The following PPP2R5C variants were observed in gnomAD, a reference collection of about 807,000 sequenced individuals.
PPP2R5C encodes protein phosphatase 2 regulatory subunit B'gamma, also known as serine/threonine-protein phosphatase 2A 56 kDa regulatory subunit gamma isoform.
A neutral mutation model predicts 68.9 loss-of-function variants in PPP2R5C; 7 were observed. That is an observed-to-expected ratio of 0.10 (90% CI 0.06 to 0.19). The LOEUF (loss-of-function observed/expected upper bound fraction) is 0.19. PPP2R5C is among the 10% of genes least tolerant of loss of function. The pLI, the probability that PPP2R5C is intolerant of heterozygous loss-of-function variation, is 1.00. For synonymous variants in PPP2R5C, 210 were observed against 222.2 expected, an observed-to-expected ratio of 0.95 and a Z score of 0.49; for missense variants, 348 against 641.3, an observed-to-expected ratio of 0.54 and a Z score of 4.94.
At chr14:101,871,094 C>A (rs1377724673) in intron 2 of PPP2R5C, among the ~76,000 whole-genome samples, 1 of 152,114 alleles carries the variant, frequency 6.6e-6, no homozygotes, top group Non-Finnish European at 1.5e-5. Context: ...GCCATTCCAG[C>A]GCTCTTCTGA....
intron 8 of PPP2R5C, among the ~76,000 whole-genome samples, chr14:101,898,586 G>A (rs982303839): frequency 4.6e-5 from 7 of 152,182 alleles, no homozygotes; most frequent in South Asian, 2.1e-4. Context: ...ACCCCGTGCC[G>A]GCTTCAGTTG....
chr14:101,869,733 C>T (rs558078688), intron 2 of PPP2R5C, among the ~76,000 whole-genome samples: 2 of 152,298 alleles, frequency 1.3e-5, no homozygotes, highest in East Asian at 3.9e-4. Flanking sequence ...TGGCTCACTG[C>T]AGCCTCCACC....
intron 3 of PPP2R5C, among the ~76,000 whole-genome samples, chr14:101,803,729 C>CA (rs934819668): frequency 0.015 from 1,627 of 108,520 alleles, 24 homozygotes; most frequent in African/African-American, 0.045. Context: ...GACTCCATCT[C>CA]AAAAAAAAAA....
intron 2 of PPP2R5C, among the ~76,000 whole-genome samples, chr14:101,783,347 A>G (rs1319686748): frequency 6.9e-6 from 1 of 145,788 alleles, no homozygotes; most frequent in Admixed American, 6.9e-5. Flanking sequence ...TCACCTTCCC[A>G]GGGACAGACA....
At chr14:101,771,222 C>CGTGTGT (rs3993402) in intron 2 of PPP2R5C, among the ~76,000 whole-genome samples, 32,861 of 135,108 alleles carry the variant, frequency 0.24, 4,264 homozygotes, top group Admixed American at 0.32. Flanking sequence ...TTCTTCATCT[C>CGTGTGT]GTGTGTGTGT....
intron 1 of PPP2R5C, among the ~76,000 whole-genome samples, chr14:101,827,899 C>T (rs2040492949): frequency 6.6e-6 from 1 of 152,090 alleles, no homozygotes; most frequent in South Asian, 2.1e-4. Context: ...TTCCCTATAA[C>T]CTCATATTGG....
chr14:101,808,358 G>A (rs1192757650), upstream of PPP2R5C, among the ~76,000 whole-genome samples: 1 of 152,144 alleles, frequency 6.6e-6, no homozygotes, highest in Admixed American at 6.6e-5. Context: ...CTCAGGTGGT[G>A]CGTGCCCACT....
At chr14:101,889,908 T>C in intron 5 of PPP2R5C, 1 of 482,150 alleles carries the variant, frequency 2.1e-6, no homozygotes, top group Admixed American at 2.4e-5. Flanking sequence ...ATCAAGCAGA[T>C]GGAGCACATT....
At chr14:101,894,755 A>C (rs1186310426) in intron 8 of PPP2R5C, among the ~76,000 whole-genome samples, 195 bp downstream of exon 10, 1 of 152,132 alleles carries the variant, frequency 6.6e-6, no homozygotes, top group Admixed American at 6.6e-5. Flanking sequence ...TTCCTTTATT[A>C]TAGTGATTAT....
At chr14:101,816,468 A>G (rs530411251) in intron 1 of PPP2R5C, among the ~76,000 whole-genome samples, 3 of 152,344 alleles carry the variant, frequency 2.0e-5, no homozygotes, top group Admixed American at 6.5e-5. Context: ...CTAAAGAGAT[A>G]TAACAGGTAC....
exon 2 of PPP2R5C, chr14:101,762,911 C>T (rs1438144123): frequency 1.3e-6 from 2 of 1,582,748 alleles, no homozygotes; most frequent in African/African-American, 1.3e-5. Context: ...CCAGGAATCA[C>T]CAAAAGCAGG....
At chr14:101,876,885 T>C (rs1062152) in intron 2 of PPP2R5C, among the ~76,000 whole-genome samples, 56,157 of 151,448 alleles carry the variant, frequency 0.37, 13,549 homozygotes, top group African/African-American at 0.69. Context: ...CTGTTGCATG[T>C]GTTTTCTGTG....
intron 2 of PPP2R5C, among the ~76,000 whole-genome samples, chr14:101,784,511 G>T (rs757273233): frequency 1.1e-4 from 15 of 135,926 alleles, no homozygotes; most frequent in Non-Finnish European, 1.4e-4. Flanking sequence ...GAGAGAAAGT[G>T]GGGGGGGGGA....
intron 2 of PPP2R5C, among the ~76,000 whole-genome samples, chr14:101,867,360 G>A (rs1202271295): frequency 6.6e-6 from 1 of 152,086 alleles, no homozygotes; most frequent in East Asian, 1.9e-4. Context: ...AATGAGGTAT[G>A]ATTGTGCCAC....
At chr14:101,820,278 C>T (rs2039969816) in intron 1 of PPP2R5C, 1 of 152,184 alleles carries the variant, frequency 6.6e-6, no homozygotes, top group Non-Finnish European at 1.5e-5. Context: ...GAACTTTTAT[C>T]TGCCAGTGTA....
rs2044913290 is a variant in PPP2R5C, at chr14:101,891,527, T to C, written c.689+1231T>C. On this transcript the variant is annotated intron_variant, in intron 6 of 13. Coordinates refer to ENST00000334743, the Ensembl canonical transcript of PPP2R5C. This position sits in a 1 kb window ranked among gnomAD's most constrained non-coding sequence, Gnocchi z 4.9. ...TGTAAGATAGGCGCATCCTCGCATT[T>C]CCCTCCTAGGTTGTTGCAGGGACCG... 6.6e-6 allele frequency among the ~76,000 whole-genome samples: 1 copy of C among 152,068 alleles called. No individual in the cohort carries two copies. Among genetic ancestry groups the C allele is most frequent in the South Asian group, 2.1e-4 (1 of 4,814 alleles).
At position 101,894,391 on chromosome 14, in the gene PPP2R5C, G is replaced by A. The variant is rs189892155; in HGVS notation, c.799-116G>A. On this transcript the variant is annotated intron_variant, in intron 7 of 13. Transcript: ENST00000334743. ...TGCCCGTTAATCACACAAGGGCTTT[G>A]TCTGTACCGTGGGTCCTTGTCTTGC... The A allele has an allele frequency of 5.0e-5, 43 of 865,536 alleles. No individual in the cohort carries two copies. The Admixed American group carries it at 6.7e-4, about 13-fold the overall frequency. The allele number at this position is 865,536 out of a possible 1,614,324, so 53.6% of individuals were successfully genotyped here. A position where few individuals can be genotyped will look rare whatever the true frequency, so the allele number is the denominator to read the frequency against.
intron 8 of PPP2R5C, among the ~76,000 whole-genome samples, chr14:101,901,515 A>G (rs992824133): frequency 4.6e-5 from 7 of 152,236 alleles, no homozygotes; most frequent in South Asian, 2.1e-4. Context: ...TTGATCAGAT[A>G]GATAACCAGA....
intron 5 of PPP2R5C, among the ~76,000 whole-genome samples, chr14:101,885,321 T>C (rs2044424787): frequency 6.6e-6 from 1 of 151,596 alleles, no homozygotes; most frequent in South Asian, 2.1e-4. Context: ...GCCCCTCCCA[T>C]CCCGTGCCGG....
Sources: gnomAD v4.1 joint callset for allele counts (sites outside exome capture counted in the v4.1 genomes callset) on GRCh38, gnomAD v4.1.1 for gene constraint, Gnocchi (gnomAD v3.1) non-coding constraint, MANE v1.5 for transcripts, NCBI Gene and HGNC (gene_info 2026-07-23, HGNC 2026-07-21) for gene names.